DIS3L2: variants seen among roughly 807,000 people sequenced by gnomAD.
The protein encoded by DIS3L2 is DIS3 like 3'-5' exoribonuclease 2, also known as DIS3-like exonuclease 2.
Under a neutral mutation model 97.5 loss-of-function variants are expected in DIS3L2, and 34 were observed. The observed-to-expected ratio is 0.35, with a 90% CI of 0.27 to 0.46. The LOEUF is 0.46. Among genes scored for constraint, DIS3L2 ranks in the 20% least tolerant of loss-of-function variants. DIS3L2 has a pLI of 1.00. For missense variants in DIS3L2, 1,038 were observed against 1,146.0 expected, an observed-to-expected ratio of 0.91 and a Z score of 1.36; for synonymous variants, 435 against 445.2, an observed-to-expected ratio of 0.98 and a Z score of 0.29.
intron 6 of DIS3L2, among the ~76,000 whole-genome samples, chr2:232,123,085 C>T (rs1697957116): frequency 6.6e-6 from 1 of 152,050 alleles, no homozygotes; most frequent in African/African-American, 2.4e-5. Flanking sequence ...TAAAATTTTC[C>T]ACAACCCTCC....
At chr2:232,122,451 T>C (rs1359961773) in intron 6 of DIS3L2, among the ~76,000 whole-genome samples, 1 of 152,190 alleles carries the variant, frequency 6.6e-6, no homozygotes, top group East Asian at 1.9e-4. Context: ...GCACGGTGGC[T>C]CACGCCTGTA....
chr2:231,989,871 T>A (rs1457914897), intron 1 of DIS3L2, among the ~76,000 whole-genome samples: 1 of 152,084 alleles, frequency 6.6e-6, no homozygotes, highest in Non-Finnish European at 1.5e-5. Context: ...AAAGATAAGA[T>A]GTAGGTTTTA....
chr2:232,173,611 T>C (rs764357897), intron 9 of DIS3L2, among the ~76,000 whole-genome samples: 11 of 152,184 alleles, frequency 7.2e-5, no homozygotes, highest in Non-Finnish European at 1.2e-4. Context: ...TTGTAAATGG[T>C]GTGAGGTATG....
At chr2:232,166,657 A>G (rs576098097) in intron 9 of DIS3L2, among the ~76,000 whole-genome samples, 3 of 152,144 alleles carry the variant, frequency 2.0e-5, no homozygotes, top group Non-Finnish European at 2.9e-5. Context: ...CGGAGGTTGC[A>G]GTGAGCCAAG....
At chr2:232,056,733 C>T (rs990128748) in intron 5 of DIS3L2, among the ~76,000 whole-genome samples, 4 of 152,202 alleles carry the variant, frequency 2.6e-5, no homozygotes, top group Admixed American at 2.6e-4. Context: ...TGCAGTACTA[C>T]TTCACATCTC....
At chr2:232,272,869 G>C (rs990491727) in intron 13 of DIS3L2, among the ~76,000 whole-genome samples, 4 of 152,018 alleles carry the variant, frequency 2.6e-5, no homozygotes, top group Admixed American at 2.0e-4. Context: ...TTCTGCTCTT[G>C]GTCAGAACAG....
Position 232,277,754 on chromosome 2 carries a change from A to G in DIS3L2, c.1659+14314A>G, listed in dbSNP as rs139747375. Among the ~76,000 whole-genome samples, 37 of 152,298 alleles carry G rather than the reference A, an allele frequency of 2.4e-4. No individual in the cohort carries two copies. In the East Asian group the frequency reaches 5.6e-3, roughly 23 times the overall value. ...CGTTAAGTGATTTTGTCAGTGTGCA[A>G]CATCATAGGGTGTACTTAGACTAAC... On this transcript the variant is annotated intron_variant, in intron 13 of 20. Transcript: ENST00000325385.
chr2:232,250,594 A>G (rs2106266172), intron 12 of DIS3L2, among the ~76,000 whole-genome samples: 1 of 152,290 alleles, frequency 6.6e-6, no homozygotes, highest in Non-Finnish European at 1.5e-5. Flanking sequence ...AGTGAGGCTA[A>G]CAACAGTATT....
chr2:232,182,301 T>C (rs1034294966), intron 9 of DIS3L2, among the ~76,000 whole-genome samples: 2 of 152,240 alleles, frequency 1.3e-5, no homozygotes, highest in African/African-American at 4.8e-5. Context: ...GAACATACTT[T>C]GCATGATTTT....
chr2:232,035,444 CTT>C (rs1289194904), intron 5 of DIS3L2, among the ~76,000 whole-genome samples: 4 of 152,180 alleles, frequency 2.6e-5, no homozygotes, highest in African/African-American at 9.7e-5. Context: ...GGTCTTGACT[CTT>C]TATCCAATTT....
rs1693899202 is a variant in DIS3L2, at chr2:232,268,220, A to G, written c.1659+4780A>G. On this transcript the variant is annotated intron_variant, in intron 13 of 20. Coordinates refer to ENST00000325385, the MANE Select transcript of DIS3L2 (RefSeq NM_152383.5). The surrounding 1 kb of genome is among the most constrained non-coding windows in gnomAD (Gnocchi z 4.1). ...CCTGATGTTACCATCTTCCCAGGCA[A>G]ATTACTCTCAACTCCAGGAGCTTCA... Among the ~76,000 whole-genome samples the G allele has an allele frequency of 6.6e-6, 1 of 152,160 alleles. No homozygotes were observed. Among genetic ancestry groups the G allele is most frequent in the African/African-American group, 2.4e-5 (1 of 41,430 alleles).
At chr2:232,158,586 C>G (rs1254780399) in intron 8 of DIS3L2, among the ~76,000 whole-genome samples, 1 of 152,146 alleles carries the variant, frequency 6.6e-6, no homozygotes, top group Non-Finnish European at 1.5e-5. Context: ...GCATGTAATT[C>G]TTTGTTTCTC....
chr2:232,116,172 AAATAAATAAATG>A (rs201197136), intron 6 of DIS3L2, among the ~76,000 whole-genome samples: 38,754 of 107,106 alleles, frequency 0.36, 5,453 homozygotes, highest in African/African-American at 0.41. Flanking sequence ...ACTTGGTCTT[AAATAAATAAATG>A]AATAAATAAA....
intron 5 of DIS3L2, among the ~76,000 whole-genome samples, chr2:232,068,663 A>G (rs757141391): frequency 3.3e-5 from 5 of 151,850 alleles, no homozygotes; most frequent in Admixed American, 6.6e-5. Flanking sequence ...AATTGTGGTT[A>G]ATTTCTTAAT....
At chr2:232,023,015 A>G (rs1694561962) in intron 3 of DIS3L2, 1 of 152,178 alleles carries the variant, frequency 6.6e-6, no homozygotes, top group Non-Finnish European at 1.5e-5. Context: ...ACTTTTGCTA[A>G]CACAGTGTCC....
chr2:232,253,617 G>C (rs1382483190), intron 12 of DIS3L2, among the ~76,000 whole-genome samples: 4 of 152,094 alleles, frequency 2.6e-5, no homozygotes, highest in Non-Finnish European at 5.9e-5. Context: ...AATGAATTCT[G>C]ATCATTGTCA....
intron 12 of DIS3L2, among the ~76,000 whole-genome samples, chr2:232,257,510 C>T (rs1189146824): frequency 6.6e-6 from 1 of 152,224 alleles, no homozygotes; most frequent in African/African-American, 2.4e-5. Flanking sequence ...CTCCCTCCCA[C>T]CCTCCGTCAC....
At chr2:232,204,610 C>T (rs1028468551) in intron 9 of DIS3L2, among the ~76,000 whole-genome samples, 5 of 152,144 alleles carry the variant, frequency 3.3e-5, no homozygotes, top group Non-Finnish European at 5.9e-5. Flanking sequence ...TTCTTTCTAA[C>T]CATTGTTGTG....
chr2:232,144,486 T>A (rs73095646), intron 8 of DIS3L2, among the ~76,000 whole-genome samples: 5,320 of 152,246 alleles, frequency 0.035, 135 homozygotes, highest in African/African-American at 0.058. Flanking sequence ...TTTTTAACAG[T>A]TAATTTTTTA....
Sources: gnomAD v4.1 joint callset for allele counts (sites outside exome capture counted in the v4.1 genomes callset) on GRCh38, gnomAD v4.1.1 for gene constraint, Gnocchi (gnomAD v3.1) non-coding constraint, MANE v1.5 for transcripts, NCBI Gene and HGNC (gene_info 2026-07-23, HGNC 2026-07-21) for gene names.